PCDHGA3: variants seen among roughly 807,000 people sequenced by gnomAD.
PCDHGA3 encodes the protein protocadherin gamma subfamily A, 3, also known as protocadherin gamma-A3.
A neutral mutation model predicts 58.5 loss-of-function variants in PCDHGA3; 40 were observed. The ratio of observed to expected loss-of-function variants is 0.68; its 90% confidence interval spans 0.53 to 0.89. PCDHGA3 has a LOEUF of 0.89. Ranked by LOEUF, PCDHGA3 falls within the 40% of genes least tolerant of loss-of-function variation. PCDHGA3 has a pLI of 0.00. For synonymous variants in PCDHGA3, 530 were observed against 525.7 expected (o/e 1.01, Z -0.11); for missense variants, 1,223 against 1,195.9 (o/e 1.02, Z -0.33).
intron 1 of PCDHGA3, chr5:141,367,007 C>A: frequency 2.3e-6 from 1 of 430,082 alleles, no homozygotes; most frequent in Non-Finnish European, 4.0e-6. Context: ...TCATTTTACC[C>A]AAATATTTTG....
chr5:141,433,357 G>GCCTA, intron 1 of PCDHGA3: 1 of 569,056 alleles, frequency 1.8e-6, no homozygotes, highest in Non-Finnish European at 3.1e-6. Context: ...CCTACTGTCT[G>GCCTA]CCTATCTATC....
At chr5:141,420,230 A>G (rs758649822) in intron 1 of PCDHGA3, 3 of 1,601,528 alleles carry the variant, frequency 1.9e-6, no homozygotes, top group Admixed American at 1.7e-5. Flanking sequence ...ACTGGCTAGC[A>G]TTTTAACTCC....
rs370237298 is a variant in PCDHGA3 at position 141,487,298 on chromosome 5, G to A, written c.2425-7509G>A. ...TTGCTTTGTCTCCTTTGGCTCATTCGTGGCACTACTCTCTAAGTGTCTTCG... is the reference window on the plus strand; with the variant it reads ...TTGCTTTGTCTCCTTTGGCTCATTCATGGCACTACTCTCTAAGTGTCTTCG... On this transcript the variant is annotated intron_variant, in intron 1 of 3. Coordinates refer to ENST00000253812, the MANE Select transcript of PCDHGA3 (RefSeq NM_018916.4). The surrounding 1 kb of genome is among the most constrained non-coding windows in gnomAD (Gnocchi z 5.0). The A allele has an allele frequency of 3.2e-5, 51 of 1,614,072 alleles. 1 individual carries two copies. Among genetic ancestry groups the A allele is most frequent in the South Asian group, 5.5e-5 (5 of 91,082 alleles).
chr5:141,407,589 C>G (rs1305349867), intron 1 of PCDHGA3, among the ~76,000 whole-genome samples: 1 of 151,660 alleles, frequency 6.6e-6, no homozygotes, highest in Non-Finnish European at 1.5e-5. Context: ...ACCTTAATGT[C>G]TCATCTTAAA....
chr5:141,421,642 G>A, intron 1 of PCDHGA3: 1 of 1,613,850 alleles, frequency 6.2e-7, no homozygotes, highest in South Asian at 1.1e-5. Flanking sequence ...GGAGGACGAA[G>A]TGGAGATAAA....
chr5:141,398,910 G>T, intron 1 of PCDHGA3: 1 of 1,613,972 alleles, frequency 6.2e-7, no homozygotes, highest in Non-Finnish European at 8.5e-7. Flanking sequence ...GCACCACTGT[G>T]TTGCAAGTGT....
At chr5:141,347,112 C>CTCCT (rs753513852) in intron 1 of PCDHGA3, among the ~76,000 whole-genome samples, 6 of 80,984 alleles carry the variant, frequency 7.4e-5, no homozygotes, top group Non-Finnish European at 1.2e-4. Flanking sequence ...TCTCTCTTTC[C>CTCCT]TCCTTCCTTC....
intron 2 of PCDHGA3, 102 bp from the exon 3 acceptor site, chr5:141,505,291 G>A (rs2154593677): frequency 1.3e-6 from 2 of 1,565,092 alleles, no homozygotes; most frequent in Non-Finnish European, 1.7e-6. Context: ...TGGGCATGGG[G>A]TAGGGTTAGG....
chr5:141,372,721 C>A (rs1769002230), intron 1 of PCDHGA3: 1 of 1,613,832 alleles, frequency 6.2e-7, no homozygotes, highest in South Asian at 1.1e-5. Flanking sequence ...GAAAATGCTG[C>A]ACCACAAGAT....
Position 141,486,515 on chromosome 5 carries a change from G to A in PCDHGA3, c.2425-8292G>A. ...AACTATTTTCCTCAATATTTCAGAT[G>A]TGAATGATAATCCACCCTCTTTCTT... On this transcript the variant is annotated intron_variant, in intron 1 of 3. Transcript: ENST00000253812. This position sits in a 1 kb window ranked among gnomAD's most constrained non-coding sequence, Gnocchi z 5.0. 1 of 1,614,172 alleles carries A rather than the reference G, an allele frequency of 6.2e-7. No individual in the cohort carries two copies. The highest frequency in any genetic ancestry group is 8.5e-7 in the Non-Finnish European group (1 of 1,180,026).
chr5:141,389,389 A>G, intron 1 of PCDHGA3: 1 of 1,613,668 alleles, frequency 6.2e-7, no homozygotes, highest in Non-Finnish European at 8.5e-7. Context: ...CTGTCATCCT[A>G]CGTGTCCATA....
At chr5:141,503,005 G>A (rs915064303) in intron 2 of PCDHGA3, among the ~76,000 whole-genome samples, 16 of 145,340 alleles carry the variant, frequency 1.1e-4, no homozygotes, top group African/African-American at 2.3e-4. Flanking sequence ...CACCATGCCC[G>A]GTTAATTTTT....
chr5:141,440,997 A>G (rs1191545127), intron 1 of PCDHGA3: 1 of 152,178 alleles, frequency 6.6e-6, no homozygotes, highest in East Asian at 1.9e-4. Context: ...ACCCATATCT[A>G]GTTTGGCCTT....
intron 1 of PCDHGA3, among the ~76,000 whole-genome samples, chr5:141,463,438 C>CTTTTTTTTT (rs71576115): frequency 4.8e-5 from 5 of 103,252 alleles, no homozygotes; most frequent in African/African-American, 2.2e-4. Context: ...TTTCCTTCTC[C>CTTTTTTTTT]TTTTTTTTTT....
At chr5:141,350,821 A>G in intron 1 of PCDHGA3, 2 of 1,614,054 alleles carry the variant, frequency 1.2e-6, no homozygotes, top group Non-Finnish European at 1.7e-6. Flanking sequence ...ATGGAAGTAA[A>G]TATCCGGTAT....
At chr5:141,361,618 G>A in intron 1 of PCDHGA3, 1 of 1,613,956 alleles carries the variant, frequency 6.2e-7, no homozygotes, top group Non-Finnish European at 8.5e-7. Context: ...CGTAGCGAGC[G>A]ACCTGAAGCC....
chr5:141,421,811 T>A, intron 1 of PCDHGA3: 1 of 1,613,766 alleles, frequency 6.2e-7, no homozygotes, highest in Non-Finnish European at 8.5e-7. Flanking sequence ...AATCCAGAGC[T>A]AGTACTGGAG....
Position 141,365,604 on chromosome 5 carries a change from T to C in PCDHGA3, c.2424+19147T>C, listed in dbSNP as rs370603640. The stretch of plus-strand genomic sequence containing the variant: ...GATTATAATATCACTTTAACCGTCA[T>C]GGACCATGGAACCCCGCCCCTCTCT... On this transcript the variant is annotated intron_variant, in intron 1 of 3. Transcript: ENST00000253812. 2.4e-5 allele frequency: 39 copies of C among 1,613,554 alleles called. No homozygotes were observed. Among genetic ancestry groups the C allele is most frequent in the Non-Finnish European group, 3.0e-5 (35 of 1,179,904 alleles).
In PCDHGA3 at chr5:141,345,521, C is replaced by T; in HGVS notation, c.1488C>T (p.Leu496=). 1 of 1,614,154 alleles carries T rather than the reference C, an allele frequency of 6.2e-7. No individual in the cohort carries two copies. The highest frequency in any genetic ancestry group is 8.5e-7 in the Non-Finnish European group (1 of 1,180,016). The change falls in exon 1 of 4, where the codon CTC becomes CTT. Residue 496 remains leucine, a synonymous_variant. Transcript: ENST00000253812. ...CTTATGCATTGACCGAGGACACTCT[C>T]CAGGGGGCGCCCCTGTCCTCCTTCG... is the stretch of plus-strand genomic sequence containing the variant. The part of the protein sequence containing the change: ...RITYALTEDT[L]QGAPLSSFVS...
Sources: allele counts gnomAD v4.1 joint callset (sites outside exome capture counted in the v4.1 genomes callset), GRCh38; gene constraint gnomAD v4.1.1; non-coding constraint Gnocchi (gnomAD v3.1); transcripts MANE v1.5; gene names NCBI Gene and HGNC (gene_info 2026-07-23, HGNC 2026-07-21).